NLRP2: variants seen among roughly 807,000 people sequenced by gnomAD.
The protein encoded by NLRP2 is NLR family pyrin domain containing 2.
NLRP2 carries 107 observed loss-of-function variants against 97.2 expected under a neutral mutation model. The ratio of observed to expected loss-of-function variants is 1.10; its 90% confidence interval spans 0.94 to 1.29. The LOEUF is 1.29. Ranked by LOEUF, NLRP2 falls within the 50% of genes most tolerant of loss-of-function variation. NLRP2 has a pLI of 0.00. For missense variants in NLRP2, 1,495 were observed against 1,330.3 expected (o/e 1.12, Z -1.93); for synonymous variants, 663 against 551.5 (o/e 1.20, Z -2.83).
rs375253886 is a variant in NLRP2 at position 54,997,271 on chromosome 19, G to A, written c.2880-46G>A. On this transcript the variant is annotated intron_variant, in intron 11 of 12. Coordinates refer to ENST00000448584, the MANE Select transcript of NLRP2 (RefSeq NM_017852.5). ...TGGGCTTGGCTTGCCGGAGGGCATC[G>A]ATCAGCACTGGCTGCATTAACGTGT... The A allele has an allele frequency of 1.7e-4, 279 of 1,599,338 alleles. 5 individuals are homozygous for A. The South Asian group carries it at 2.2e-3, about 13-fold the overall frequency.
At chr19:54,983,982 C>T (rs978461800) in intron 6 of NLRP2, among the ~76,000 whole-genome samples, 1 of 152,112 alleles carries the variant, frequency 6.6e-6, no homozygotes, top group African/African-American at 2.4e-5. Context: ...TCCTGAGTAG[C>T]TGGGACTACA....
chr19:54,983,784 C>A, intron 6 of NLRP2, 56 bp downstream of exon 6: 1 of 1,598,784 alleles, frequency 6.3e-7, no homozygotes, highest in East Asian at 2.2e-5. Flanking sequence ...CCCATGCCCC[C>A]TTAGGAAGAG....
rs748621281 is a variant in NLRP2, at chr19:54,983,030, G to C, written c.1332G>C (p.Arg444=). 6.2e-7 allele frequency: 1 copy of C among 1,610,928 alleles called. No homozygotes were observed. Among genetic ancestry groups the C allele is most frequent in the Non-Finnish European group, 8.5e-7 (1 of 1,179,240 alleles). Residue 444 remains arginine (R), a synonymous_variant, in exon 6 of 13, where the codon CGG becomes CGC. Transcript: ENST00000448584. ...GGTTCCCGCAGGGCGCACAGCTGCGGGGCGCGCTGCGGACGCTGAGCCTCC... is the reference window on the plus strand; with the variant it reads ...GGTTCCCGCAGGGCGCACAGCTGCGCGGCGCGCTGCGGACGCTGAGCCTCC... ...CSRFPQGAQL[R]GALRTLSLLA... is the part of the protein sequence containing the mutation.
upstream of NLRP2, chr19:54,966,102 C>T (rs1317226391): frequency 1.3e-5 from 2 of 151,152 alleles, no homozygotes; most frequent in African/African-American, 2.4e-5. Context: ...TTCTCAGCCT[C>T]GGCCGCAATC....
chr19:54,979,820 A>G (rs903151627), intron 4 of NLRP2, among the ~76,000 whole-genome samples: 2 of 151,948 alleles, frequency 1.3e-5, no homozygotes, highest in Admixed American at 6.6e-5. Context: ...TCTGTTGCCC[A>G]GACTGGAGTG....
At chr19:54,985,432 C>CT (rs1251520150) in intron 7 of NLRP2, among the ~76,000 whole-genome samples, 2 of 152,092 alleles carry the variant, frequency 1.3e-5, no homozygotes, top group Non-Finnish European at 2.9e-5. Context: ...AATTCCAACA[C>CT]TTCGGGAGGC....
chr19:54,977,980 C>T (rs549968074), intron 4 of NLRP2, among the ~76,000 whole-genome samples, 157 bp downstream of exon 4: 79 of 152,236 alleles, frequency 5.2e-4, no homozygotes, highest in Non-Finnish European at 9.0e-4. Context: ...ACCTCCCTTC[C>T]GTAAGAATAG....
intron 3 of NLRP2, among the ~76,000 whole-genome samples, chr19:54,975,106 G>GTTTGTTTTTTTTTTTTTTT (rs2071120648): frequency 3.4e-5 from 2 of 58,674 alleles, no homozygotes; most frequent in African/African-American, 5.6e-5. Context: ...ACCCGGTTTT[G>GTTTGTTTTTTTTTTTTTTT]TTTTTTTTTT....
At chr19:54,990,718 G>T (rs565254232) in intron 10 of NLRP2, 46 bp downstream of exon 10, 2 of 1,595,328 alleles carry the variant, frequency 1.3e-6, no homozygotes, top group Non-Finnish European at 1.7e-6. Flanking sequence ...ATATGCACAC[G>T]CCCCCCACCT....
chr19:54,985,098 AT>A lies in NLRP2; in HGVS notation c.2085del (p.Phe695LeufsTer7). On this transcript the variant is annotated frameshift_variant, in exon 7 of 13. Coordinates refer to ENST00000448584, the MANE Select transcript of NLRP2 (RefSeq NM_017852.5). LOFTEE classifies it high-confidence loss of function. ...LPFWTDLCSI[F>X]GSNKDLMGLA... is the part of the protein sequence containing the mutation. Reference sequence around the variant, plus strand: ...CTTTCTGGACGGACCTTTGTTCCATATTTGGATCAAATAAGGATCTGATGGG... The same window carrying A: ...CTTTCTGGACGGACCTTTGTTCCATATTGGATCAAATAAGGATCTGATGGG... The A allele has an allele frequency of 1.2e-6, 2 of 1,614,132 alleles. No homozygotes were observed. The highest frequency in any genetic ancestry group is 1.7e-6 in the Non-Finnish European group (2 of 1,180,032).
intron 4 of NLRP2, among the ~76,000 whole-genome samples, chr19:54,979,938 A>G (rs2071468137): frequency 6.6e-6 from 1 of 151,838 alleles, no homozygotes; most frequent in Non-Finnish European, 1.5e-5. Context: ...CACCACGCCC[A>G]GCTAATTTTT....
At chr19:54,973,270 A>T (rs2070984862) in intron 2 of NLRP2, among the ~76,000 whole-genome samples, 1 of 151,398 alleles carries the variant, frequency 6.6e-6, no homozygotes, top group South Asian at 2.1e-4. Flanking sequence ...CTTTTTATTT[A>T]AAAATTGCCA....
At chr19:54,996,670 A>G (rs926129914) in intron 11 of NLRP2, among the ~76,000 whole-genome samples, 3 of 151,910 alleles carry the variant, frequency 2.0e-5, no homozygotes, top group African/African-American at 7.3e-5. Context: ...TGTCTCACTC[A>G]TGCCCGCTGC....
At chr19:54,968,492 ATT>A (rs34532293) in intron 1 of NLRP2, among the ~76,000 whole-genome samples, 1,503 of 145,312 alleles carry the variant, frequency 0.01, 25 homozygotes, top group African/African-American at 0.035. Flanking sequence ...GCCCAGCACA[ATT>A]TTTTTTTTTT....
In NLRP2 at chr19:54,982,563, G is replaced by A. The variant is rs138537360; in HGVS notation, c.865G>A (p.Gly289Ser). 4.2e-5 allele frequency: 67 copies of A among 1,614,072 alleles called. No individual in the cohort carries two copies. Among genetic ancestry groups the A allele is most frequent in the Middle Eastern group, 3.3e-4 (2 of 6,082 alleles). ...QARKILFVID[G>S]FDELGAAPGA... is the part of the protein sequence containing the mutation. Reference sequence around the variant, plus strand: ...ACGGAAAATCTTGTTCGTGATTGACGGCTTTGATGAGCTGGGAGCCGCACC... The same window carrying A: ...ACGGAAAATCTTGTTCGTGATTGACAGCTTTGATGAGCTGGGAGCCGCACC... Residue 289 changes from glycine to serine, a missense_variant, in exon 6 of 13, where the codon GGC becomes AGC. Coordinates refer to ENST00000448584, the MANE Select transcript of NLRP2 (RefSeq NM_017852.5).
chr19:54,971,588 T>C (rs1184337946), intron 2 of NLRP2, among the ~76,000 whole-genome samples: 1 of 151,768 alleles, frequency 6.6e-6, no homozygotes, highest in Admixed American at 6.6e-5. Context: ...ATGAGCATTT[T>C]TTCATGTGTT....
chr19:54,968,473 T>A (rs1183628639), intron 1 of NLRP2, among the ~76,000 whole-genome samples: 3 of 149,234 alleles, frequency 2.0e-5, no homozygotes, highest in African/African-American at 7.4e-5. Context: ...TACAGGTGCA[T>A]GCCACTATGC....
rs1464831470 is a variant in NLRP2 at position 54,982,812 on chromosome 19, T to G, written c.1114T>G (p.Phe372Val). The G allele has an allele frequency of 1.9e-6, 3 of 1,613,706 alleles. No individual in the cohort carries two copies. Among genetic ancestry groups the G allele is most frequent in the Non-Finnish European group, 2.5e-6 (3 of 1,179,984 alleles). Residue 372 changes from phenylalanine to valine, a missense_variant, in exon 6 of 13, where the codon TTT (phenylalanine) becomes GTT (valine). Coordinates refer to ENST00000448584, the MANE Select transcript of NLRP2 (RefSeq NM_017852.5). The part of the protein sequence containing the change: ...EDRRAYFLRH[F>V]GDEDQAMRAF... ...CAGGAGGGCCTATTTCCTGAGACAC[T>G]TTGGAGACGAGGACCAAGCCATGCG...
rs1320456898 is a variant in NLRP2, at chr19:54,983,188, G to A, written c.1490G>A (p.Gly497Asp). The change falls in exon 6 of 13, where the codon GGC (glycine) becomes GAC (aspartate). Residue 497 changes from glycine to aspartate, a missense_variant. Gly to Asp is a moderately conservative substitution (Grantham distance 94). Coordinates refer to ENST00000448584, the MANE Select transcript of NLRP2 (RefSeq NM_017852.5). ...CTCCGCCAGGACAGAGTCTCCAAAG[G>A]CTGCTACTCCTTCATCCACCTCAGC... ...DILRQDRVSK[G>D]CYSFIHLSFQ... 1.1e-5 allele frequency: 17 copies of A among 1,613,824 alleles called. No homozygotes were observed. The highest frequency in any genetic ancestry group is 2.7e-5 in the African/African-American group (2 of 74,872).
Sources: gnomAD v4.1 joint callset for allele counts (sites outside exome capture counted in the v4.1 genomes callset) on GRCh38, gnomAD v4.1.1 for gene constraint, MANE v1.5 for transcripts, NCBI Gene and HGNC (gene_info 2026-07-23, HGNC 2026-07-21) for gene names.